Variants in RIN2 observed in about 807,000 individuals in gnomAD.
The protein encoded by RIN2 is Ras and Rab interactor 2, also known as RAB5 interacting protein 2.
In RIN2, 36 loss-of-function variants were observed where a neutral mutation model predicts 78.0. The ratio of observed to expected loss-of-function variants is 0.46; its 90% CI spans 0.35 to 0.61. The LOEUF is 0.61. RIN2 is among the 20% of genes least tolerant of loss of function. The pLI is 0.00. For synonymous variants in RIN2, 466 were observed against 466.8 expected, an observed-to-expected ratio of 1.00 and a Z score of 0.02; for missense variants, 1,087 against 1,159.7, an observed-to-expected ratio of 0.94 and a Z score of 0.91.
intron 2 of RIN2, among the ~76,000 whole-genome samples, chr20:19,844,669 C>CCTCTTCTT (rs1568807647): frequency 1.1e-4 from 8 of 76,166 alleles, no homozygotes; most frequent in African/African-American, 5.0e-4. Flanking sequence ...TCTTCTTCTT[C>CCTCTTCTT]CTTCTTCTTC....
intron 4 of RIN2, among the ~76,000 whole-genome samples, chr20:19,939,192 C>T (rs1236093312): frequency 6.6e-6 from 1 of 152,196 alleles, no homozygotes; most frequent in Non-Finnish European, 1.5e-5. Context: ...GGATTACAGG[C>T]ATGTGCCAAA....
chr20:19,783,746 G>A (rs943288256), intron 1 of RIN2, among the ~76,000 whole-genome samples: 3 of 152,172 alleles, frequency 2.0e-5, no homozygotes, highest in African/African-American at 7.2e-5. Flanking sequence ...ACCCCTGCCG[G>A]GAAGCTGACT....
intron 2 of RIN2, among the ~76,000 whole-genome samples, chr20:19,820,258 C>T (rs1045573818): frequency 2.0e-5 from 3 of 152,042 alleles, no homozygotes; most frequent in Admixed American, 6.6e-5. Flanking sequence ...AAGGTGAAAC[C>T]AGAAAACAAA....
chr20:19,818,356 A>G (rs763707972), intron 2 of RIN2, among the ~76,000 whole-genome samples: 3 of 152,246 alleles, frequency 2.0e-5, no homozygotes, highest in Non-Finnish European at 4.4e-5. Context: ...ACAATTGTTA[A>G]TGTTCATGGT....
intron 2 of RIN2, among the ~76,000 whole-genome samples, chr20:19,875,077 T>C (rs1160256708): frequency 6.6e-6 from 1 of 151,722 alleles, no homozygotes; most frequent in African/African-American, 2.4e-5. Context: ...TCCAGGCTGG[T>C]CTCCAACTCC....
rs1381649090 is a variant in RIN2 at position 19,935,145 on chromosome 20, T to C, written c.104T>C (p.Met35Thr). ...GAGATCGGAGAACTGAAACAGGAGA[T>C]GGTGCGGACAGATGTCAACCTGGAA... ...ASEIGELKQE[M>T]VRTDVNLENG... The change falls in exon 4 of 13, where the codon ATG (methionine) becomes ACG (threonine). Residue 35 changes from methionine to threonine, a missense_variant. Coordinates refer to ENST00000255006, the MANE Select transcript of RIN2 (RefSeq NM_018993.4). The C allele has an allele frequency of 6.2e-7, 1 of 1,605,114 alleles. No individual in the cohort carries two copies. The highest frequency in any genetic ancestry group is 8.5e-7 in the Non-Finnish European group (1 of 1,175,808).
intron 9 of RIN2, among the ~76,000 whole-genome samples, chr20:19,980,044 C>CAAAAAAAA (rs56268489): frequency 6.2e-4 from 45 of 72,670 alleles, no homozygotes; most frequent in African/African-American, 8.8e-4. Context: ...AACTCCATCT[C>CAAAAAAAA]AAAAAAAAAA....
intron 2 of RIN2, among the ~76,000 whole-genome samples, chr20:19,810,110 C>G (rs1285127766): frequency 6.6e-6 from 1 of 152,072 alleles, no homozygotes; most frequent in African/African-American, 2.4e-5. Flanking sequence ...CCAGAAGTGC[C>G]AAGAGGGGCC....
At chr20:19,880,251 A>T (rs202095803) in intron 2 of RIN2, among the ~76,000 whole-genome samples, 4 of 40,418 alleles carry the variant, frequency 9.9e-5, no homozygotes, top group African/African-American at 5.5e-4. Context: ...ACTCTGTCTT[A>T]AAAAAAAAAA....
chr20:19,823,870 G>A, intron 2 of RIN2: 1 of 1,605,420 alleles, frequency 6.2e-7, no homozygotes, highest in Non-Finnish European at 8.5e-7. Flanking sequence ...CAGGGCAGAA[G>A]TGGCACCGAC....
chr20:19,847,270 G>A (rs2036815753), intron 2 of RIN2, among the ~76,000 whole-genome samples: 1 of 152,116 alleles, frequency 6.6e-6, no homozygotes, highest in African/African-American at 2.4e-5. Flanking sequence ...AAAGTCCAAA[G>A]GGTTTTGATG....
At chr20:19,986,547 G>A (rs2042629277) in intron 9 of RIN2, among the ~76,000 whole-genome samples, 1 of 152,162 alleles carries the variant, frequency 6.6e-6, no homozygotes, top group South Asian at 2.1e-4. Context: ...CCCAAGGGTG[G>A]AATTCCCCTC....
chr20:19,886,508 C>G, intron 2 of RIN2: 4 of 568,366 alleles, frequency 7.0e-6, no homozygotes, highest in Middle Eastern at 4.7e-4. Context: ...ACGCGACCAG[C>G]TCCGTTTACA....
Position 19,857,943 on chromosome 20 carries a change from G to C in RIN2, c.-36-31623G>C, listed in dbSNP as rs76494518. Reference sequence around the variant, plus strand: ...CTCCATTTAAGCCTTTTGTTCTTTTGAAAATGTGTTTTGTCTTCCTTATAT... The same window carrying C: ...CTCCATTTAAGCCTTTTGTTCTTTTCAAAATGTGTTTTGTCTTCCTTATAT... On this transcript the variant is annotated intron_variant, in intron 2 of 12. Coordinates refer to ENST00000255006, the MANE Select transcript of RIN2 (RefSeq NM_018993.4). Among the ~76,000 whole-genome samples, 190 of 152,196 alleles carry C rather than the reference G, an allele frequency of 1.2e-3. 1 individual carries two copies. The highest frequency in any genetic ancestry group is 4.5e-3 in the African/African-American group (186 of 41,540).
chr20:19,995,704 G>C (rs1204339011), intron 11 of RIN2, among the ~76,000 whole-genome samples: 1 of 152,172 alleles, frequency 6.6e-6, no homozygotes, highest in Admixed American at 6.5e-5. Context: ...GTAAGAAAGG[G>C]AATCAAGGGA....
intron 2 of RIN2, chr20:19,823,576 C>T: frequency 2.0e-6 from 3 of 1,499,206 alleles, no homozygotes; most frequent in East Asian, 4.5e-5. Context: ...AGAGAGTTCT[C>T]TGGCTAAGGA....
At chr20:19,871,413 A>T (rs2037684623) in intron 2 of RIN2, among the ~76,000 whole-genome samples, 1 of 152,208 alleles carries the variant, frequency 6.6e-6, no homozygotes. Context: ...GCTTCATCTC[A>T]TGAGGTATCT....
At chr20:19,762,867 G>A (rs1443374161) in intron 1 of RIN2, among the ~76,000 whole-genome samples, 2 of 152,160 alleles carry the variant, frequency 1.3e-5, no homozygotes, top group Admixed American at 6.5e-5. Context: ...GGAGTCAAGC[G>A]ATTCTCCTGC....
intron 2 of RIN2, among the ~76,000 whole-genome samples, chr20:19,872,907 A>G (rs2037733234): frequency 6.6e-6 from 1 of 152,092 alleles, no homozygotes; most frequent in Non-Finnish European, 1.5e-5. Flanking sequence ...TACACAAAAT[A>G]TGCATGTAAG....
Sources: allele counts gnomAD v4.1 joint callset (sites outside exome capture counted in the v4.1 genomes callset), GRCh38; gene constraint gnomAD v4.1.1; transcripts MANE v1.5; gene names NCBI Gene and HGNC (gene_info 2026-07-23, HGNC 2026-07-21).